Variants in GPHN observed in about 807,000 individuals in gnomAD.
GPHN encodes gephyrin.
GPHN carries 17 observed loss-of-function variants against 95.5 expected under a neutral mutation model. The ratio of observed to expected loss-of-function variants is 0.18; its 90% CI spans 0.12 to 0.27. The LOEUF is 0.27. Ranked by LOEUF, GPHN falls within the 10% of genes least tolerant of loss-of-function variation. The probability of loss-of-function intolerance (pLI) is 1.00; values close to 1 mark genes in which losing one functional copy is unlikely to be tolerated. For synonymous variants in GPHN, 320 were observed against 322.5 expected (o/e 0.99, Z 0.08); for missense variants, 660 against 978.1 (o/e 0.67, Z 4.34).
At chr14:67,575,374 T>G in the GPHN span, 1 of 1,537,372 alleles carries the variant, frequency 6.5e-7, no homozygotes, top group Non-Finnish European at 8.9e-7. Flanking sequence ...ATAATGCCAG[T>G]TCATTTCTGT....
In GPHN at chr14:66,554,659, C is replaced by T. The variant is rs148364268; in HGVS notation, c.64+46068C>T. Among the ~76,000 whole-genome samples the T allele has an allele frequency of 2.0e-3, 297 of 152,270 alleles. 2 individuals are homozygous for T. Among genetic ancestry groups the T allele is most frequent in the Non-Finnish European group, 2.5e-3 (167 of 68,020 alleles). On this transcript the variant is annotated intron_variant, in intron 1 of 22. Transcript: ENST00000478722. ...CCCAACAGTTTCCTCCCTTAATACC[C>T]GGGGATTACAATTCAAGATGAGACT... is the stretch of plus-strand genomic sequence containing the variant.
At chr14:67,121,639 A>G (rs775167364) in intron 16 of GPHN, among the ~76,000 whole-genome samples, 1 of 152,194 alleles carries the variant, frequency 6.6e-6, no homozygotes, top group Non-Finnish European at 1.5e-5. Flanking sequence ...TTCTTCGTAG[A>G]CATAGTAGAT....
chr14:67,281,376 G>GCT, the GPHN span, among the ~76,000 whole-genome samples: 1 of 152,104 alleles, frequency 6.6e-6, no homozygotes, highest in Non-Finnish European at 1.5e-5. Flanking sequence ...TACAGTGAAA[G>GCT]CTAAAAGATT....
At chr14:66,592,930 C>T (rs1472135524) in intron 1 of GPHN, among the ~76,000 whole-genome samples, 1 of 152,136 alleles carries the variant, frequency 6.6e-6, no homozygotes, top group Non-Finnish European at 1.5e-5. Context: ...CTGGATAAAT[C>T]AAATTTGGCA....
intron 2 of GPHN, among the ~76,000 whole-genome samples, chr14:66,691,392 C>T (rs2067769709): frequency 1.3e-5 from 2 of 151,858 alleles, no homozygotes; most frequent in African/African-American, 4.8e-5. Flanking sequence ...ACCGTGATGG[C>T]CAGGATGGTC....
chr14:67,098,536 G>A (rs1048238566), intron 12 of GPHN, among the ~76,000 whole-genome samples: 5 of 152,162 alleles, frequency 3.3e-5, no homozygotes, highest in Admixed American at 1.3e-4. Flanking sequence ...TGGGTCAGGC[G>A]CGGTGGCTTA....
At chr14:66,925,433 C>G (rs2066436298) in intron 8 of GPHN, among the ~76,000 whole-genome samples, 1 of 152,160 alleles carries the variant, frequency 6.6e-6, no homozygotes, top group African/African-American at 2.4e-5. Context: ...CCTACCCACC[C>G]TCTCCACCCT....
the GPHN span, among the ~76,000 whole-genome samples, chr14:67,328,271 G>A: frequency 3.3e-5 from 5 of 152,096 alleles, no homozygotes; most frequent in African/African-American, 7.2e-5. Flanking sequence ...TTGGCTGCAT[G>A]AATGTCTTCT....
At chr14:66,571,109 G>T (rs1458273667) in intron 1 of GPHN, among the ~76,000 whole-genome samples, 2 of 152,144 alleles carry the variant, frequency 1.3e-5, no homozygotes, top group African/African-American at 2.4e-5. Flanking sequence ...AGGTTTAATT[G>T]TCTCACAGTT....
chr14:67,654,311 ATGAGGTCTCGCTCTAGAG>A, the GPHN span, among the ~76,000 whole-genome samples: 36 of 260 alleles, frequency 0.14, no homozygotes, highest in African/African-American at 0.2. Flanking sequence ...CGCTATAGAG[ATGAGGTCTCGCTCTAGAG>A]ATGAGGTCTC....
chr14:67,252,507 C>T, the GPHN span, among the ~76,000 whole-genome samples: 8 of 152,242 alleles, frequency 5.3e-5, no homozygotes, highest in East Asian at 1.5e-3. Flanking sequence ...TGATGAATAG[C>T]TGGGTGGTGT....
At chr14:67,674,587 G>GACCGCCGCACC in the GPHN span, 2 of 1,009,230 alleles carry the variant, frequency 2.0e-6, no homozygotes, top group Admixed American at 3.5e-5. Flanking sequence ...CCATAACGGC[G>GACCGCCGCACC]ACCGCCGCAC....
intron 1 of GPHN, among the ~76,000 whole-genome samples, chr14:66,535,223 C>G (rs1173920179): frequency 6.6e-6 from 1 of 151,658 alleles, no homozygotes; most frequent in Admixed American, 6.6e-5. Context: ...TGATTTGGCC[C>G]CATTTTTTGA....
intron 5 of GPHN, among the ~76,000 whole-genome samples, chr14:66,906,699 G>A (rs887065091): frequency 5.3e-5 from 8 of 152,092 alleles, no homozygotes; most frequent in African/African-American, 1.9e-4. Context: ...GAAACCAGAA[G>A]TCTCTGGTTT....
chr14:67,042,806 T>C (rs1187452616), intron 10 of GPHN, among the ~76,000 whole-genome samples: 4 of 152,232 alleles, frequency 2.6e-5, no homozygotes, highest in Admixed American at 1.3e-4. Flanking sequence ...ATTGAATCTA[T>C]AAATTACTTT....
At chr14:67,726,155 GGTAA>G in the GPHN span, 12 of 1,589,276 alleles carry the variant, frequency 7.6e-6, no homozygotes, top group African/African-American at 2.7e-5. Flanking sequence ...CAACCACCTG[GGTAA>G]GTATCTTTGG....
chr14:67,587,791 G>T, the GPHN span: 1 of 157,130 alleles, frequency 6.4e-6, no homozygotes, highest in Non-Finnish European at 1.4e-5. Flanking sequence ...CAGGTGATCT[G>T]CCCACTTTGG....
the GPHN span, among the ~76,000 whole-genome samples, chr14:67,265,425 G>A: frequency 2.7e-4 from 41 of 152,020 alleles, no homozygotes; most frequent in East Asian, 5.8e-4. Context: ...GGATGGTGGC[G>A]TGTGCCTGTA....
At chr14:67,026,490 C>G (rs2073932126) in intron 10 of GPHN, among the ~76,000 whole-genome samples, 1 of 152,116 alleles carries the variant, frequency 6.6e-6, no homozygotes. Context: ...ACAACAAATC[C>G]TGTGAGTAAA....
Sources: gnomAD v4.1 joint callset for allele counts (sites outside exome capture counted in the v4.1 genomes callset) on GRCh38, gnomAD v4.1.1 for gene constraint, MANE v1.5 for transcripts, NCBI Gene and HGNC (gene_info 2026-07-23, HGNC 2026-07-21) for gene names.